Variants in GRIK1 observed in about 807,000 individuals in gnomAD.
The protein encoded by GRIK1 is glutamate ionotropic receptor kainate type subunit 1.
Under a neutral mutation model 105.7 loss-of-function variants are expected in GRIK1, and 69 were observed. The ratio of observed to expected loss-of-function variants is 0.65; its 90% CI spans 0.54 to 0.80. GRIK1 has a LOEUF of 0.80. Among genes scored for constraint, GRIK1 ranks in the 30% least tolerant of loss-of-function variants. The pLI is 0.00. For synonymous variants in GRIK1, 438 were observed against 431.3 expected (o/e 1.02, Z -0.19); for missense variants, 1,109 against 1,167.3 (o/e 0.95, Z 0.73).
At chr21:29,766,293 CT>C (rs200921227) in intron 1 of GRIK1, among the ~76,000 whole-genome samples, 1,525 of 152,302 alleles carry the variant, frequency 0.01, 11 homozygotes, top group Non-Finnish European at 0.016. Context: ...GTCTCCACCC[CT>C]AGCTACATTT....
At chr21:29,750,757 T>C (rs956874489) in intron 1 of GRIK1, among the ~76,000 whole-genome samples, 4 of 152,210 alleles carry the variant, frequency 2.6e-5, no homozygotes, top group African/African-American at 9.6e-5. Context: ...CCTGTGATAC[T>C]GATATATCAA....
Position 29,537,363 on chromosome 21 carries a change from A to G in GRIK1, c.2717T>C (p.Met906Thr), listed in dbSNP as rs942553787. The G allele has an allele frequency of 1.3e-5, 21 of 1,611,292 alleles. No homozygotes were observed. The highest frequency in any genetic ancestry group is 1.8e-5 in the Non-Finnish European group (21 of 1,178,552). Residue 906 changes from methionine (M) to threonine (T), a missense_variant, in exon 18 of 18, where the codon ATG (methionine) becomes ACG (threonine). By Grantham distance (81) the Met-to-Thr change is moderately conservative. Coordinates refer to ENST00000327783, the MANE Select transcript of GRIK1 (RefSeq NM_001330994.2). ...CTTCAGTGAGATTCCCAGTTCTTCC[A>G]TGATAGCGTTGAAAGAGAGACACTA... ...VEKCLSFNAIMEELGISLKNQ... is the reference protein window; with the variant it reads ...VEKCLSFNAITEELGISLKNQ...
rs571129123 is a variant in GRIK1, at chr21:29,939,512, C to T, written c.-12G>A. 2.6e-6 allele frequency: 4 copies of T among 1,525,592 alleles called. No homozygotes were observed. The East Asian group carries it at 7.5e-5, about 29-fold the overall frequency. 94.5% of individuals were successfully genotyped at this position (1,525,592 alleles called of 1,614,324 possible). On this transcript the variant is annotated 5_prime_UTR_variant, in exon 1 of 18. Transcript: ENST00000327783. ...GTGCCGTGCTCCATCTTCCTAGCTTCTTAATTCATGCCGAGATACAGCCGC... is the reference window on the plus strand; with the variant it reads ...GTGCCGTGCTCCATCTTCCTAGCTTTTTAATTCATGCCGAGATACAGCCGC...
chr21:29,694,868 A>G (rs1424980525), intron 1 of GRIK1, among the ~76,000 whole-genome samples: 1 of 152,212 alleles, frequency 6.6e-6, no homozygotes, highest in Non-Finnish European at 1.5e-5. Context: ...CAAGATAAAA[A>G]TGTCCTTTTT....
chr21:29,738,415 G>A (rs2064849645), intron 1 of GRIK1, among the ~76,000 whole-genome samples: 1 of 152,180 alleles, frequency 6.6e-6, no homozygotes, highest in Admixed American at 6.5e-5. Context: ...CATACCAAGA[G>A]GATGGATTTC....
At chr21:29,815,802 G>T (rs898587090) in intron 1 of GRIK1, among the ~76,000 whole-genome samples, 1 of 151,944 alleles carries the variant, frequency 6.6e-6, no homozygotes, top group African/African-American at 2.4e-5. Flanking sequence ...AATAAATTCA[G>T]ACTAGATTAA....
intron 7 of GRIK1, among the ~76,000 whole-genome samples, chr21:29,634,111 C>T (rs1450551507): frequency 6.6e-6 from 1 of 152,102 alleles, no homozygotes; most frequent in Non-Finnish European, 1.5e-5. Flanking sequence ...ATCAGCCAAC[C>T]AACCAACCAA....
chr21:29,638,528 C>T (rs192702193), intron 7 of GRIK1, among the ~76,000 whole-genome samples: 45 of 152,202 alleles, frequency 3.0e-4, no homozygotes, highest in South Asian at 1.7e-3. Context: ...AACAATTACC[C>T]GTAAAGTGCA....
At chr21:29,701,265 A>G (rs978296278) in intron 1 of GRIK1, among the ~76,000 whole-genome samples, 4 of 152,214 alleles carry the variant, frequency 2.6e-5, no homozygotes, top group Non-Finnish European at 5.9e-5. Flanking sequence ...GGTCATGAAC[A>G]GGAAGACAGG....
At chr21:29,871,862 C>G (rs1166342518) in intron 1 of GRIK1, among the ~76,000 whole-genome samples, 8 of 149,940 alleles carry the variant, frequency 5.3e-5, no homozygotes, top group African/African-American at 2.0e-4. Context: ...CTCCCAGGCT[C>G]AAGCTATCCT....
intron 1 of GRIK1, among the ~76,000 whole-genome samples, chr21:29,718,442 G>T (rs1431625878): frequency 6.6e-6 from 1 of 152,102 alleles, no homozygotes; most frequent in East Asian, 1.9e-4. Flanking sequence ...TCACAAACCT[G>T]GTTTCCTTGG....
chr21:29,814,094 AAAT>A lies in GRIK1; in HGVS notation c.119-120034_119-120032del, dbSNP rs199724320. Among the ~76,000 whole-genome samples, 125 of 145,534 alleles carry A rather than the reference AAAT, an allele frequency of 8.6e-4. 1 individual carries two copies. The East Asian group carries it at 0.016, about 18-fold the overall frequency. ...CACACCTGGCTAATATATATATATAAAATAATAATAATAATAATAATTATTATT... is the reference window on the plus strand; with the variant it reads ...CACACCTGGCTAATATATATATATAAAATAATAATAATAATAATTATTATT... On this transcript the variant is annotated intron_variant, in intron 1 of 17. Coordinates refer to ENST00000327783, the MANE Select transcript of GRIK1 (RefSeq NM_001330994.2).
chr21:29,720,401 T>A (rs1427896933), intron 1 of GRIK1, among the ~76,000 whole-genome samples: 1 of 152,228 alleles, frequency 6.6e-6, no homozygotes, highest in Non-Finnish European at 1.5e-5. Flanking sequence ...CCAGCTAATA[T>A]GTCCTTGGGG....
rs771632093 is a variant in GRIK1, at chr21:29,694,072, G to A, written c.119-9C>T. 1.3e-6 allele frequency: 2 copies of A among 1,505,840 alleles called. No individual in the cohort carries two copies. Among genetic ancestry groups the A allele is most frequent in the African/African-American group, 2.7e-5 (2 of 73,300 alleles). 93.3% of individuals were successfully genotyped at this position (1,505,840 alleles called of 1,614,324 possible). A position where few individuals can be genotyped will look rare whatever the true frequency, so the allele number is the denominator to read the frequency against. On this transcript the variant is annotated splice_polypyrimidine_tract_variant and intron_variant, in intron 1 of 17. Transcript: ENST00000327783. The stretch of plus-strand genomic sequence containing the variant: ...TGTTTCAAAAATCCCTCCTGCAGAA[G>A]CAAAAGAGATGCATGAGAAGCGTTA...
chr21:29,599,203 C>T (rs551062688), intron 7 of GRIK1, among the ~76,000 whole-genome samples: 6 of 152,242 alleles, frequency 3.9e-5, no homozygotes, highest in Non-Finnish European at 7.4e-5. Flanking sequence ...AAAGAATTGC[C>T]GTAAAACAGT....
At chr21:29,804,442 C>G (rs185072412) in intron 1 of GRIK1, among the ~76,000 whole-genome samples, 1 of 151,736 alleles carries the variant, frequency 6.6e-6, no homozygotes, top group East Asian at 1.9e-4. Context: ...ATTTTCAACT[C>G]CAATTAAAAA....
At chr21:29,588,776 T>G (rs1601194753) in intron 11 of GRIK1, 63 bp downstream of exon 11, 2 of 915,620 alleles carry the variant, frequency 2.2e-6, no homozygotes, top group East Asian at 4.9e-5. Flanking sequence ...TCTGACATCA[T>G]TTTTTCCTCT....
At chr21:29,753,209 AAATTATCTAGTGCGATGAAAC>A (rs1286833606) in intron 1 of GRIK1, among the ~76,000 whole-genome samples, 14 of 152,246 alleles carry the variant, frequency 9.2e-5, no homozygotes, top group Non-Finnish European at 1.5e-5. Context: ...TTTATAAAAT[AAATTATCTAGTGCGATGAAAC>A]AAAGGATAGT....
intron 4 of GRIK1, among the ~76,000 whole-genome samples, chr21:29,663,129 G>A (rs1301116616): frequency 6.6e-6 from 1 of 152,162 alleles, no homozygotes; most frequent in Non-Finnish European, 1.5e-5. Flanking sequence ...CATAGTTATA[G>A]TATTTGAACC....
Sources: allele counts gnomAD v4.1 joint callset (sites outside exome capture counted in the v4.1 genomes callset), GRCh38; gene constraint gnomAD v4.1.1; transcripts MANE v1.5; gene names NCBI Gene and HGNC (gene_info 2026-07-23, HGNC 2026-07-21).